MEF2A: variants seen among roughly 807,000 people sequenced by gnomAD.
The protein encoded by MEF2A is myocyte enhancer factor 2A.
A neutral mutation model predicts 55.8 loss-of-function variants in MEF2A; 28 were observed. The ratio of observed to expected loss-of-function variants is 0.50; its 90% CI spans 0.37 to 0.69. The LOEUF (loss-of-function observed/expected upper bound fraction) is 0.69. Among genes scored for constraint, MEF2A ranks in the 30% least tolerant of loss-of-function variants. The probability of loss-of-function intolerance (pLI) is 0.00; values close to 1 mark genes in which losing one functional copy is unlikely to be tolerated. For missense variants in MEF2A, 528 were observed against 626.2 expected, an observed-to-expected ratio of 0.84 and a Z score of 1.67; for synonymous variants, 239 against 227.1, an observed-to-expected ratio of 1.05 and a Z score of -0.47.
chr15:99,612,076 A>G (rs933670922), intron 2 of MEF2A, among the ~76,000 whole-genome samples: 3 of 152,088 alleles, frequency 2.0e-5, no homozygotes, highest in Middle Eastern at 3.2e-3. Flanking sequence ...AATGTTCTAT[A>G]ATTAGATAGT....
chr15:99,661,418 T>G (rs1024978215), intron 4 of MEF2A, among the ~76,000 whole-genome samples: 1 of 151,726 alleles, frequency 6.6e-6, no homozygotes, highest in Non-Finnish European at 1.5e-5. Flanking sequence ...TAAGCGTTTT[T>G]TTTTTTTTTT....
At chr15:99,675,604 C>T in intron 7 of MEF2A, 146 bp downstream of exon 7, 1 of 646,038 alleles carries the variant, frequency 1.5e-6, no homozygotes, top group East Asian at 2.7e-5. Flanking sequence ...TAAGGGGAGA[C>T]TTTCTCTAAC....
At chr15:99,612,101 TG>T (rs2153207151) in intron 2 of MEF2A, among the ~76,000 whole-genome samples, 1 of 152,226 alleles carries the variant, frequency 6.6e-6, no homozygotes, top group African/African-American at 2.4e-5. Context: ...ATAGTTGCAC[TG>T]CTTTGTGAAT....
chr15:99,670,298 A>G (rs2050608100), intron 4 of MEF2A, among the ~76,000 whole-genome samples: 1 of 152,172 alleles, frequency 6.6e-6, no homozygotes, highest in Non-Finnish European at 1.5e-5. Context: ...GAGATATTTT[A>G]ATGGCACTCA....
At chr15:99,685,707 C>T (rs573350523) in intron 7 of MEF2A, among the ~76,000 whole-genome samples, 2 of 152,196 alleles carry the variant, frequency 1.3e-5, no homozygotes, top group East Asian at 1.9e-4. Context: ...CTGTTGGATT[C>T]GGTCACCTGT....
At chr15:99,668,516 T>C (rs1359671631) in intron 4 of MEF2A, among the ~76,000 whole-genome samples, 2 of 152,254 alleles carry the variant, frequency 1.3e-5, no homozygotes, top group East Asian at 3.8e-4. Flanking sequence ...GAGTAAAATA[T>C]CTTTGAAGTT....
At chr15:99,617,811 T>TG (rs2040460418) in intron 2 of MEF2A, among the ~76,000 whole-genome samples, 1 of 152,174 alleles carries the variant, frequency 6.6e-6, no homozygotes, top group Non-Finnish European at 1.5e-5. Context: ...TTTATGCCTG[T>TG]GGGGGAGAAG....
intron 1 of MEF2A, among the ~76,000 whole-genome samples, chr15:99,586,465 T>C (rs1967297027): frequency 6.6e-6 from 1 of 152,234 alleles, no homozygotes; most frequent in African/African-American, 2.4e-5. Context: ...TGAGTGGCTC[T>C]TCATACATCT....
chr15:99,645,791 T>C (rs2045869279), intron 4 of MEF2A, 27 bp downstream of exon 4: 1 of 1,458,986 alleles, frequency 6.9e-7, no homozygotes, highest in African/African-American at 1.4e-5. Context: ...AATACGTGAA[T>C]TGCAAGTAAT....
chr15:99,646,400 A>G (rs2153483860), intron 4 of MEF2A, among the ~76,000 whole-genome samples: 1 of 152,252 alleles, frequency 6.6e-6, no homozygotes, highest in Admixed American at 6.5e-5. Flanking sequence ...CTCTCTTTCA[A>G]GATCTTCCAT....
At chr15:99,671,750 C>A in intron 5 of MEF2A, 1 of 1,275,528 alleles carries the variant, frequency 7.8e-7, no homozygotes, top group Non-Finnish European at 1.0e-6. Flanking sequence ...GTGATGACAA[C>A]AATAAGTAGA....
chr15:99,596,501 C>T (rs1055227768), intron 1 of MEF2A, among the ~76,000 whole-genome samples: 2 of 151,928 alleles, frequency 1.3e-5, no homozygotes, highest in East Asian at 1.9e-4. Flanking sequence ...GTGTTTTTCC[C>T]GCCCCCAGAG....
intron 1 of MEF2A, chr15:99,566,355 G>A (rs1014385560): frequency 6.8e-6 from 1 of 148,116 alleles, no homozygotes; most frequent in Non-Finnish European, 1.5e-5. Flanking sequence ...GTGCTGGGAG[G>A]CGGCGAGGGG....
At chr15:99,641,520 G>A (rs995136844) in intron 3 of MEF2A, among the ~76,000 whole-genome samples, 1 of 152,106 alleles carries the variant, frequency 6.6e-6, no homozygotes, top group Non-Finnish European at 1.5e-5. Flanking sequence ...TCAGGAGATC[G>A]AGACCATCCT....
intron 2 of MEF2A, among the ~76,000 whole-genome samples, chr15:99,617,773 A>G (rs907362517): frequency 2.0e-5 from 3 of 152,068 alleles, no homozygotes; most frequent in African/African-American, 7.2e-5. Context: ...CATAGTCTCT[A>G]AGCAGTGTGT....
intron 1 of MEF2A, among the ~76,000 whole-genome samples, chr15:99,568,944 A>C (rs1379238633): frequency 6.6e-6 from 1 of 152,236 alleles, no homozygotes; most frequent in African/African-American, 2.4e-5. Context: ...TTTCTAGATA[A>C]GAAAGAAAAT....
rs146204632 is a variant in MEF2A, at chr15:99,640,105, G to A, written c.55-5456G>A. On this transcript the variant is annotated intron_variant, in intron 3 of 11. Coordinates refer to ENST00000557942, the MANE Select transcript of MEF2A (RefSeq NM_001319206.4). ...CAAGATTGGTTTTTTTAAATGTTCC[G>A]AATGGAGTTGGGTAAATATGTATTC... Among the ~76,000 whole-genome samples the A allele has an allele frequency of 2.8e-3, 429 of 152,132 alleles. 2 individuals are homozygous for A. The highest frequency in any genetic ancestry group is 9.2e-3 in the African/African-American group (382 of 41,482).
intron 3 of MEF2A, among the ~76,000 whole-genome samples, chr15:99,636,014 TGCTGGCAGAGTGTAA>T (rs1177699906): frequency 2.0e-5 from 3 of 152,202 alleles, no homozygotes; most frequent in Non-Finnish European, 4.4e-5. Context: ...GTTTACACTC[TGCTGGCAGAGTGTAA>T]GAGTTCTAGC....
intron 7 of MEF2A, among the ~76,000 whole-genome samples, chr15:99,677,924 G>A (rs2052437003): frequency 6.6e-6 from 1 of 152,096 alleles, no homozygotes. Context: ...TTCAGGCATG[G>A]TGAAACAGAT....
Sources: allele counts gnomAD v4.1 joint callset (sites outside exome capture counted in the v4.1 genomes callset), GRCh38; gene constraint gnomAD v4.1.1; transcripts MANE v1.5; gene names NCBI Gene and HGNC (gene_info 2026-07-23, HGNC 2026-07-21).